VAV1: variants seen among roughly 807,000 people sequenced by gnomAD.
VAV1 encodes proto-oncogene vav.
In VAV1, 33 loss-of-function variants were observed where a neutral mutation model predicts 128.1. That is an observed-to-expected ratio of 0.26 (90% CI 0.20 to 0.34). The LOEUF (loss-of-function observed/expected upper bound fraction) is 0.34. Among genes scored for constraint, VAV1 ranks in the 10% least tolerant of loss-of-function variants. The pLI is 1.00. For missense variants in VAV1, 715 were observed against 1,093.7 expected (o/e 0.65, Z 4.88); for synonymous variants, 394 against 409.8 (o/e 0.96, Z 0.47).
chr19:6,783,820 G>A (rs1425189172), intron 1 of VAV1, among the ~76,000 whole-genome samples: 1 of 152,088 alleles, frequency 6.6e-6, no homozygotes, highest in Non-Finnish European at 1.5e-5. Context: ...TTAACTACGA[G>A]GGAGACTAGG....
intron 1 of VAV1, among the ~76,000 whole-genome samples, chr19:6,798,617 C>T (rs777340589): frequency 2.6e-5 from 4 of 152,072 alleles, no homozygotes; most frequent in Non-Finnish European, 5.9e-5. Context: ...TGCACCACTG[C>T]ACTCCAGTCT....
Position 6,857,220 on chromosome 19 carries a change from C to A in VAV1, c.*113C>A. The A allele has an allele frequency of 6.9e-7, 1 of 1,441,390 alleles. No homozygotes were observed. Among genetic ancestry groups the A allele is most frequent in the Non-Finnish European group, 9.4e-7 (1 of 1,058,462 alleles). 89.3% of individuals were successfully genotyped at this position (1,441,390 alleles called of 1,614,324 possible). On this transcript the variant is annotated 3_prime_UTR_variant, in exon 27 of 27. Coordinates refer to ENST00000602142, the MANE Select transcript of VAV1 (RefSeq NM_005428.4). ...CGGCGGGTGGAGACTTTGGGATGGA[C>A]TGGAGGAGGCCAGCGTCCAGCTGGC...
At chr19:6,819,888 C>G (rs781245406) in intron 1 of VAV1, among the ~76,000 whole-genome samples, 1 of 152,142 alleles carries the variant, frequency 6.6e-6, no homozygotes, top group Non-Finnish European at 1.5e-5. Context: ...TTTTCTTTTT[C>G]CAGATACTCA....
chr19:6,807,426 A>G (rs1386346360), intron 1 of VAV1, among the ~76,000 whole-genome samples: 1 of 152,110 alleles, frequency 6.6e-6, no homozygotes, highest in Non-Finnish European at 1.5e-5. Context: ...ATGAGGATCT[A>G]ACGCTGCAGC....
chr19:6,776,679 C>T (rs1250321414), intron 1 of VAV1, among the ~76,000 whole-genome samples: 2 of 149,288 alleles, frequency 1.3e-5, no homozygotes, highest in African/African-American at 5.0e-5. Flanking sequence ...CATGTATCCA[C>T]CCATCCACCC....
chr19:6,842,912 T>C (rs1053026306), intron 21 of VAV1, among the ~76,000 whole-genome samples: 1 of 152,154 alleles, frequency 6.6e-6, no homozygotes, highest in Non-Finnish European at 1.5e-5. Flanking sequence ...AGGGTAATGA[T>C]AAACTGCTGG....
chr19:6,849,654 A>G (rs535112680), intron 23 of VAV1, among the ~76,000 whole-genome samples: 1 of 152,148 alleles, frequency 6.6e-6, no homozygotes, highest in African/African-American at 2.4e-5. Context: ...CCCAATGTTT[A>G]ACCCCTGCTT....
intron 1 of VAV1, among the ~76,000 whole-genome samples, chr19:6,817,228 T>C (rs912947021): frequency 1.3e-5 from 2 of 151,462 alleles, no homozygotes; most frequent in Admixed American, 6.6e-5. Context: ...TTTTTGTTTG[T>C]TTTTTTGGTA....
intron 1 of VAV1, among the ~76,000 whole-genome samples, chr19:6,798,552 C>T (rs1012244665): frequency 2.0e-5 from 3 of 152,062 alleles, no homozygotes; most frequent in Admixed American, 6.6e-5. Flanking sequence ...ACTTGGGAGG[C>T]TGAGATGGGA....
In VAV1 at chr19:6,822,898, G is replaced by T. The variant is rs958180605; in HGVS notation, c.654+384G>T. On this transcript the variant is annotated intron_variant, in intron 6 of 26. Transcript: ENST00000602142. The surrounding 1 kb of genome is among the most constrained non-coding windows in gnomAD (Gnocchi z 5.9). ...TATAATATGTATAAAATATAAACAT[G>T]ATATATGATATTTATAAGATATAAA... 1.4e-5 allele frequency among the ~76,000 whole-genome samples: 2 copies of T among 145,002 alleles called. No individual in the cohort carries two copies. Among genetic ancestry groups the T allele is most frequent in the Middle Eastern group, 3.4e-3 (1 of 296 alleles).
chr19:6,806,967 G>A (rs1971410405), intron 1 of VAV1, among the ~76,000 whole-genome samples: 1 of 152,138 alleles, frequency 6.6e-6, no homozygotes, highest in Non-Finnish European at 1.5e-5. Flanking sequence ...TCCACGATCT[G>A]TTCAGACAGG....
intron 1 of VAV1, among the ~76,000 whole-genome samples, chr19:6,788,207 T>C (rs986183181): frequency 6.6e-6 from 1 of 152,004 alleles, no homozygotes; most frequent in African/African-American, 2.4e-5. Context: ...GCTCTTAGAT[T>C]ACAGGAATGA....
chr19:6,854,191 G>A (rs1432948289), intron 26 of VAV1, 93 bp downstream of exon 26: 20 of 1,495,918 alleles, frequency 1.3e-5, no homozygotes, highest in Non-Finnish European at 1.6e-5. Context: ...GGTGAGGTGC[G>A]GCTCCCATGG....
At chr19:6,837,077 A>G (rs201336552) in intron 21 of VAV1, 27 bp downstream of exon 21, 1 of 1,612,326 alleles carries the variant, frequency 6.2e-7, no homozygotes, top group Non-Finnish European at 8.5e-7. Flanking sequence ...TGAATGGAAT[A>G]AGGGCAAGGG....
chr19:6,779,923 A>G (rs1272101392), intron 1 of VAV1, among the ~76,000 whole-genome samples: 1 of 149,338 alleles, frequency 6.7e-6, no homozygotes, highest in Non-Finnish European at 1.5e-5. Context: ...CATCCTGGCT[A>G]ACACGGTGAA....
intron 1 of VAV1, among the ~76,000 whole-genome samples, chr19:6,788,140 C>T (rs1970937056): frequency 6.6e-6 from 1 of 151,880 alleles, no homozygotes; most frequent in South Asian, 2.1e-4. Context: ...CACTGTGTTG[C>T]TCAGGCTGAT....
chr19:6,830,216 G>A (rs564945310), intron 14 of VAV1, among the ~76,000 whole-genome samples: 94 of 152,094 alleles, frequency 6.2e-4, no homozygotes, highest in Middle Eastern at 3.4e-3. Flanking sequence ...ACACCACCAC[G>A]CCCAGCTAAT....
intron 26 of VAV1, among the ~76,000 whole-genome samples, chr19:6,854,670 G>A (rs187203279): frequency 2.2e-4 from 34 of 152,198 alleles, no homozygotes; most frequent in Admixed American, 2.1e-3. Context: ...AGCTATGATT[G>A]TGCCACTGCA....
At chr19:6,823,832 T>C (rs1386901331) in intron 6 of VAV1, among the ~76,000 whole-genome samples, 1 of 152,238 alleles carries the variant, frequency 6.6e-6, no homozygotes, top group Non-Finnish European at 1.5e-5. Flanking sequence ...ATTTAGAATA[T>C]ACAGTTCAAT....
Sources: gnomAD v4.1 joint callset for allele counts (sites outside exome capture counted in the v4.1 genomes callset) on GRCh38, gnomAD v4.1.1 for gene constraint, Gnocchi (gnomAD v3.1) non-coding constraint, MANE v1.5 for transcripts, NCBI Gene and HGNC (gene_info 2026-07-23, HGNC 2026-07-21) for gene names.